Variants in SLC37A3 observed in about 807,000 individuals in gnomAD.
SLC37A3 encodes solute carrier family 37 member 3, also known as sugar phosphate exchanger 3.
In SLC37A3, 51 loss-of-function variants were observed where a neutral mutation model predicts 67.1. The ratio of observed to expected loss-of-function variants is 0.76; its 90% CI spans 0.61 to 0.96. The LOEUF is 0.96. Ranked by LOEUF, SLC37A3 falls within the 40% of genes least tolerant of loss-of-function variation. SLC37A3 has a pLI of 0.00. For synonymous variants in SLC37A3, 214 were observed against 231.4 expected (o/e 0.92, Z 0.68); for missense variants, 508 against 603.0 (o/e 0.84, Z 1.65).
intron 4 of SLC37A3, 103 bp downstream of exon 4, chr7:140,369,487 C>A: frequency 1.3e-6 from 1 of 795,670 alleles, no homozygotes; most frequent in Admixed American, 2.6e-5. Context: ...CTGAACTCTG[C>A]CTCAGTCAGC....
chr7:140,364,903 C>T (rs941903611), intron 4 of SLC37A3, among the ~76,000 whole-genome samples: 5 of 152,142 alleles, frequency 3.3e-5, no homozygotes, highest in Admixed American at 3.3e-4. Context: ...TTAATTCCTA[C>T]CCATCAGTGA....
intron 1 of SLC37A3, among the ~76,000 whole-genome samples, chr7:140,391,339 G>A (rs1233232792): frequency 6.6e-6 from 1 of 152,232 alleles, no homozygotes; most frequent in Non-Finnish European, 1.5e-5. Context: ...AAGATCACTT[G>A]AGATCAGGAG....
intron 4 of SLC37A3, among the ~76,000 whole-genome samples, chr7:140,369,091 G>A (rs576314143): frequency 1.4e-4 from 22 of 152,144 alleles, no homozygotes; most frequent in Admixed American, 5.9e-4. Flanking sequence ...GAGCCCCACC[G>A]CATCTCTGGC....
chr7:140,360,530 T>C (rs1797224230), intron 5 of SLC37A3, among the ~76,000 whole-genome samples: 1 of 151,808 alleles, frequency 6.6e-6, no homozygotes, highest in African/African-American at 2.4e-5. Flanking sequence ...GGTCAGGAGT[T>C]CAAGACTAGC....
intron 8 of SLC37A3, chr7:140,351,719 T>C (rs1446620055): frequency 3.5e-6 from 2 of 565,222 alleles, no homozygotes; most frequent in African/African-American, 1.9e-5. Flanking sequence ...GTATCTTTTT[T>C]GTGCATCATT....
chr7:140,358,617 TAG>T (rs1563023768), intron 6 of SLC37A3, 21 bp downstream of exon 6: 2 of 1,612,720 alleles, frequency 1.2e-6, no homozygotes, highest in South Asian at 2.2e-5. Flanking sequence ...ACAGAGAAAT[TAG>T]AGAGGAAGGA....
intron 3 of SLC37A3, among the ~76,000 whole-genome samples, chr7:140,375,234 G>C (rs903033941): frequency 4.6e-5 from 7 of 150,788 alleles, no homozygotes; most frequent in African/African-American, 1.7e-4. Context: ...CTTGGAAGGC[G>C]GGGGCGGGTG....
At chr7:140,343,279 G>C in intron 13 of SLC37A3, 133 bp downstream of exon 13, 1 of 1,235,604 alleles carries the variant, frequency 8.1e-7, no homozygotes, top group Non-Finnish European at 1.2e-6. Context: ...GAGGGGAGAC[G>C]GAAGTCCTTG....
intron 5 of SLC37A3, among the ~76,000 whole-genome samples, chr7:140,360,962 A>G (rs6464710): frequency 0.55 from 83,140 of 151,660 alleles, 22,927 homozygotes; most frequent in South Asian, 0.64. Flanking sequence ...CTGCATACCC[A>G]CCCTAAGGGA....
Position 140,374,038 on chromosome 7 carries a change from G to A in SLC37A3, c.199-4356C>T, listed in dbSNP as rs538388634. Among the ~76,000 whole-genome samples, 58 of 152,118 alleles carry A rather than the reference G, an allele frequency of 3.8e-4. 1 individual carries two copies. The highest frequency in any genetic ancestry group is 1.4e-3 in the African/African-American group (57 of 41,494). On this transcript the variant is annotated intron_variant, in intron 3 of 14. Coordinates refer to ENST00000326232, the MANE Select transcript of SLC37A3 (RefSeq NM_207113.3). ...CTCCAATGTATTTTTTAAATTCTCA[G>A]CTTTAATTTCTAAACTAGTATCTAT...
chr7:140,346,689 C>T (rs66494948), intron 10 of SLC37A3, among the ~76,000 whole-genome samples: 23,495 of 152,146 alleles, frequency 0.15, 2,083 homozygotes, highest in East Asian at 0.33. Context: ...TGCTTGAGGC[C>T]AGGGGTTCAA....
At chr7:140,368,067 G>T (rs1387902079) in intron 4 of SLC37A3, among the ~76,000 whole-genome samples, 2 of 151,800 alleles carry the variant, frequency 1.3e-5, no homozygotes, top group Non-Finnish European at 2.9e-5. Flanking sequence ...ACCTGCCTCG[G>T]TCTCCCAAAG....
intron 5 of SLC37A3, 57 bp downstream of exon 5, chr7:140,364,351 T>C (rs1585314416): frequency 2.7e-6 from 4 of 1,460,260 alleles, no homozygotes; most frequent in Non-Finnish European, 3.8e-6. Context: ...AGTAGGGAGA[T>C]TACTTAGATT....
At chr7:140,352,177 C>T (rs1489472478) in intron 7 of SLC37A3, 31 bp from the exon 8 acceptor site, 11 of 1,414,134 alleles carry the variant, frequency 7.8e-6, no homozygotes, top group East Asian at 3.2e-5. Flanking sequence ...GTGGTCCTTA[C>T]ATATCTGGGG....
intron 5 of SLC37A3, among the ~76,000 whole-genome samples, chr7:140,362,749 C>T: frequency 1.1e-5 from 1 of 91,568 alleles, no homozygotes; most frequent in South Asian, 4.7e-4. Context: ...CCCCACCCGG[C>T]CAGCCGCCCC....
Position 140,335,143 on chromosome 7 carries a change from A to C in SLC37A3, c.*269T>G. ...ATAGGCCAAACAAAGACGCGGGCAG[A>C]GTCAGAGGTCAAAGATGCTGGCAGA... On this transcript the variant is annotated 3_prime_UTR_variant, in exon 15 of 15. Transcript: ENST00000326232. 7.5e-7 allele frequency: 1 copy of C among 1,329,858 alleles called. No homozygotes were observed. The highest frequency in any genetic ancestry group is 1.0e-6 in the Non-Finnish European group (1 of 969,674). 82.4% of individuals were successfully genotyped at this position (1,329,858 alleles called of 1,614,324 possible). A position where few individuals can be genotyped will look rare whatever the true frequency, so the allele number is the denominator to read the frequency against.
At chr7:140,362,981 G>A (rs1352139975) in intron 5 of SLC37A3, among the ~76,000 whole-genome samples, 1 of 89,896 alleles carries the variant, frequency 1.1e-5, no homozygotes, top group African/African-American at 4.1e-5. Flanking sequence ...CGCCCCGGCC[G>A]GGAGGTGAGG....
chr7:140,362,444 G>A (rs979278289), intron 5 of SLC37A3, among the ~76,000 whole-genome samples: 6 of 140,936 alleles, frequency 4.3e-5, no homozygotes, highest in African/African-American at 8.0e-5. Flanking sequence ...CCCCCCGCCC[G>A]GCCAGCCGCC....
chr7:140,389,676 C>A (rs1013762284), intron 1 of SLC37A3, among the ~76,000 whole-genome samples: 1 of 152,260 alleles, frequency 6.6e-6, no homozygotes, highest in South Asian at 2.1e-4. Context: ...TACAATAGTG[C>A]GCAATCACTG....
Sources: allele counts gnomAD v4.1 joint callset (sites outside exome capture counted in the v4.1 genomes callset), GRCh38; gene constraint gnomAD v4.1.1; transcripts MANE v1.5; gene names NCBI Gene and HGNC (gene_info 2026-07-23, HGNC 2026-07-21).